Variants in CNTN5 observed in about 807,000 individuals in gnomAD.
CNTN5 encodes contactin-5.
Under a neutral mutation model 129.1 loss-of-function variants are expected in CNTN5, and 77 were observed. That is an observed-to-expected ratio of 0.60 (90% CI 0.50 to 0.72). CNTN5 has a LOEUF of 0.72. CNTN5 is among the 30% of genes least tolerant of loss of function. The probability of loss-of-function intolerance (pLI) is 0.00; values close to 1 mark genes in which losing one functional copy is unlikely to be tolerated. For synonymous variants in CNTN5, 509 were observed against 465.6 expected (o/e 1.09, Z -1.20); for missense variants, 1,478 against 1,328.8 (o/e 1.11, Z -1.75).
intron 9 of CNTN5, among the ~76,000 whole-genome samples, chr11:100,027,519 G>T (rs932646191): frequency 6.6e-6 from 1 of 152,106 alleles, no homozygotes; most frequent in Non-Finnish European, 1.5e-5. Flanking sequence ...TCTGAGCACT[G>T]GTCCTTCTAA....
intron 7 of CNTN5, among the ~76,000 whole-genome samples, chr11:99,924,524 A>T (rs1174841521): frequency 6.6e-6 from 1 of 151,194 alleles, no homozygotes; most frequent in Non-Finnish European, 1.5e-5. Context: ...TATTTTTGTC[A>T]TTTTTTTTGA....
At chr11:99,964,355 T>A (rs1257435128) in intron 8 of CNTN5, among the ~76,000 whole-genome samples, 1 of 152,086 alleles carries the variant, frequency 6.6e-6, no homozygotes, top group Non-Finnish European at 1.5e-5. Context: ...TTATTGAGAG[T>A]TTTTAGCATG....
At chr11:99,664,786 A>G (rs1188248169) in intron 3 of CNTN5, among the ~76,000 whole-genome samples, 1 of 152,204 alleles carries the variant, frequency 6.6e-6, no homozygotes, top group Admixed American at 6.5e-5. Flanking sequence ...ATTTGAAGAA[A>G]TATTTATTAC....
At chr11:99,281,788 G>C (rs1319367096) in intron 1 of CNTN5, among the ~76,000 whole-genome samples, 1 of 151,858 alleles carries the variant, frequency 6.6e-6, no homozygotes, top group Non-Finnish European at 1.5e-5. Flanking sequence ...CTATTTTGAA[G>C]TGTTTTATTA....
intron 3 of CNTN5, among the ~76,000 whole-genome samples, chr11:99,595,702 C>T (rs12806022): frequency 0.14 from 20,886 of 151,782 alleles, 1,620 homozygotes; most frequent in Non-Finnish European, 0.18. Context: ...GCTTTGTCCT[C>T]GATGTATGAA....
intron 3 of CNTN5, among the ~76,000 whole-genome samples, chr11:99,577,376 A>G (rs2135595636): frequency 6.6e-6 from 1 of 152,276 alleles, no homozygotes; most frequent in East Asian, 1.9e-4. Flanking sequence ...ATTTAGGAAA[A>G]TAAATTGAGA....
At chr11:99,543,918 CAAAAAAACAAAAAAAAA>C (rs1361664400) in intron 2 of CNTN5, among the ~76,000 whole-genome samples, 1 of 23,170 alleles carries the variant, frequency 4.3e-5, no homozygotes, top group South Asian at 4.2e-3. Flanking sequence ...GAGTCTGTCT[CAAAAAAACAAAAAAAAA>C]AAAAAAAAAA....
At chr11:99,171,140 C>A (rs1249059508) in intron 1 of CNTN5, among the ~76,000 whole-genome samples, 1 of 151,898 alleles carries the variant, frequency 6.6e-6, no homozygotes, top group East Asian at 1.9e-4. Context: ...AGAATTCTTG[C>A]CTGCATTTCA....
chr11:99,499,053 G>T (rs1946333013), intron 2 of CNTN5, among the ~76,000 whole-genome samples: 1 of 152,060 alleles, frequency 6.6e-6, no homozygotes, highest in Non-Finnish European at 1.5e-5. Context: ...TTGAGTTACT[G>T]CTTTCTTTCT....
chr11:99,033,842 G>A (rs1439404292), intron 1 of CNTN5, among the ~76,000 whole-genome samples: 1 of 151,742 alleles, frequency 6.6e-6, no homozygotes, highest in East Asian at 1.9e-4. Context: ...TCCCTGTCTT[G>A]TGCCAGTTTT....
At chr11:100,088,471 G>A (rs1199569787) in intron 13 of CNTN5, among the ~76,000 whole-genome samples, 3 of 151,988 alleles carry the variant, frequency 2.0e-5, no homozygotes, top group Admixed American at 2.0e-4. Context: ...AAAAGGATAA[G>A]CAAAATTGAC....
chr11:99,134,517 A>G (rs182777508), intron 1 of CNTN5, among the ~76,000 whole-genome samples: 1 of 152,286 alleles, frequency 6.6e-6, no homozygotes, highest in African/African-American at 2.4e-5. Flanking sequence ...TGAGAAAATC[A>G]ACATTTTTAT....
intron 2 of CNTN5, among the ~76,000 whole-genome samples, chr11:99,480,398 A>G (rs1347488614): frequency 6.6e-6 from 1 of 152,116 alleles, no homozygotes; most frequent in Non-Finnish European, 1.5e-5. Flanking sequence ...TTGGCAGGAT[A>G]TTTGATCTCT....
intron 8 of CNTN5, among the ~76,000 whole-genome samples, chr11:99,973,097 C>A (rs554070538): frequency 9.2e-5 from 14 of 152,110 alleles, no homozygotes; most frequent in African/African-American, 2.4e-4. Flanking sequence ...TGGAGGGAAT[C>A]TCACTAAAAA....
intron 1 of CNTN5, among the ~76,000 whole-genome samples, chr11:99,264,464 C>G (rs137929767): frequency 6.6e-6 from 1 of 152,010 alleles, no homozygotes; most frequent in Non-Finnish European, 1.5e-5. Flanking sequence ...TTGTGAGATG[C>G]TATATTTGGG....
intron 18 of CNTN5, among the ~76,000 whole-genome samples, chr11:100,272,118 G>A (rs1327403643): frequency 2.0e-5 from 3 of 152,128 alleles, no homozygotes; most frequent in Non-Finnish European, 4.4e-5. Flanking sequence ...AATAACAAAT[G>A]CTAATGTTTT....
intron 13 of CNTN5, among the ~76,000 whole-genome samples, chr11:100,078,459 A>G (rs893736206): frequency 2.0e-5 from 3 of 152,116 alleles, no homozygotes; most frequent in Non-Finnish European, 4.4e-5. Flanking sequence ...ATATCACAGA[A>G]TGATCAATAT....
intron 3 of CNTN5, among the ~76,000 whole-genome samples, chr11:99,682,559 AC>A (rs1953604600): frequency 1.3e-5 from 2 of 152,156 alleles, no homozygotes; most frequent in African/African-American, 4.8e-5. Flanking sequence ...AACACAGTAA[AC>A]AAAATATAAT....
chr11:99,571,039 G>C (rs867198849), intron 3 of CNTN5, among the ~76,000 whole-genome samples: 16 of 152,122 alleles, frequency 1.1e-4, no homozygotes, highest in African/African-American at 3.9e-4. Context: ...GTGACAAGAA[G>C]AGTGATAGGT....
Sources: allele counts gnomAD v4.1 joint callset (sites outside exome capture counted in the v4.1 genomes callset), GRCh38; gene constraint gnomAD v4.1.1; transcripts MANE v1.5; gene names NCBI Gene and HGNC (gene_info 2026-07-23, HGNC 2026-07-21).